The following ANO4 variants were observed in gnomAD, a reference collection of about 807,000 sequenced individuals.
ANO4 encodes anoctamin-4.
Under a neutral mutation model 141.9 loss-of-function variants are expected in ANO4, and 69 were observed. That is an observed-to-expected ratio of 0.49 (90% CI 0.40 to 0.59). The LOEUF is 0.59. Ranked by LOEUF, ANO4 falls within the 20% of genes least tolerant of loss-of-function variation. The pLI, the probability that ANO4 is intolerant of heterozygous loss-of-function variation, is 0.00. For synonymous variants in ANO4, 350 were observed against 394.3 expected, an observed-to-expected ratio of 0.89 and a Z score of 1.33; for missense variants, 894 against 1,162.2, an observed-to-expected ratio of 0.77 and a Z score of 3.36.
chr12:101,043,044 AC>A (rs1367085832), intron 12 of ANO4, among the ~76,000 whole-genome samples: 3 of 152,232 alleles, frequency 2.0e-5, no homozygotes, highest in Admixed American at 2.0e-4. Context: ...CCTTCCACCT[AC>A]GAAAACATTT....
intron 1 of ANO4, among the ~76,000 whole-genome samples, chr12:100,731,976 A>G (rs2031398139): frequency 6.6e-6 from 1 of 152,204 alleles, no homozygotes; most frequent in East Asian, 1.9e-4. Flanking sequence ...TTTATTTTCC[A>G]TTCCTCTACG....
At chr12:101,045,387 T>A (rs2047577262) in intron 13 of ANO4, among the ~76,000 whole-genome samples, 1 of 152,210 alleles carries the variant, frequency 6.6e-6, no homozygotes, top group African/African-American at 2.4e-5. Context: ...CCACAAGATG[T>A]TTAGATTCTG....
chr12:100,717,279 G>C (rs1439661335), upstream of ANO4, among the ~76,000 whole-genome samples: 3 of 151,594 alleles, frequency 2.0e-5, no homozygotes, highest in African/African-American at 4.8e-5. Context: ...CGGGGACCCG[G>C]AGCGCGGCTG....
intron 22 of ANO4, among the ~76,000 whole-genome samples, chr12:101,102,184 C>T (rs1032930491): frequency 6.6e-6 from 1 of 152,130 alleles, no homozygotes; most frequent in Non-Finnish European, 1.5e-5. Flanking sequence ...ACCTTTACGG[C>T]ATTTTTGTAC....
intron 19 of ANO4, among the ~76,000 whole-genome samples, chr12:101,097,427 G>A (rs1156976721): frequency 6.6e-6 from 1 of 152,172 alleles, no homozygotes; most frequent in Non-Finnish European, 1.5e-5. Flanking sequence ...AGCAAGAACT[G>A]GCTTCTGCTT....
chr12:100,937,799 G>A (rs1439337583), intron 3 of ANO4, among the ~76,000 whole-genome samples: 14 of 152,094 alleles, frequency 9.2e-5, no homozygotes, highest in Admixed American at 4.6e-4. Flanking sequence ...AGCCACCCGC[G>A]TTTCTTGGCT....
At chr12:101,096,676 C>T (rs1475456445) in intron 19 of ANO4, 29 bp downstream of exon 19, 12 of 1,537,158 alleles carry the variant, frequency 7.8e-6, no homozygotes, top group Non-Finnish European at 1.1e-5. Flanking sequence ...CACACCTCCC[C>T]AAGCTGAGGA....
intron 5 of ANO4, among the ~76,000 whole-genome samples, chr12:100,946,301 G>A (rs1239132072): frequency 6.6e-6 from 1 of 152,164 alleles, no homozygotes; most frequent in Non-Finnish European, 1.5e-5. Context: ...TATAAGATCT[G>A]TTTTCTGTTT....
intron 5 of ANO4, among the ~76,000 whole-genome samples, chr12:100,964,321 A>G (rs2043553655): frequency 6.6e-6 from 1 of 152,122 alleles, no homozygotes; most frequent in African/African-American, 2.4e-5. Context: ...CTCATTTGCA[A>G]TAAATTAGAA....
intron 3 of ANO4, among the ~76,000 whole-genome samples, chr12:100,772,496 G>A (rs974666373): frequency 1.3e-5 from 2 of 152,110 alleles, no homozygotes; most frequent in Non-Finnish European, 1.5e-5. Context: ...AGTCCATGTG[G>A]CATAGTGGAG....
At position 100,946,401 on chromosome 12, in the gene ANO4, G is replaced by A. The variant is rs114168717; in HGVS notation, c.456+3866G>A. Among the ~76,000 whole-genome samples the A allele has an allele frequency of 2.9e-3, 438 of 152,248 alleles. 2 individuals carry two copies. Among genetic ancestry groups the A allele is most frequent in the African/African-American group, 9.1e-3 (378 of 41,536 alleles). On this transcript the variant is annotated intron_variant, in intron 5 of 27. Transcript: ENST00000392977. ...AGCAGGGAGAATAATTAGGAGATTC[G>A]TTGCAAGAATCCAGGAAAGAGATGA...
At chr12:100,901,397 T>C (rs1315209420) in intron 1 of ANO4, among the ~76,000 whole-genome samples, 1 of 152,214 alleles carries the variant, frequency 6.6e-6, no homozygotes, top group Middle Eastern at 3.2e-3. Flanking sequence ...CAACAGCATG[T>C]CAAATATGTG....
Position 100,942,367 on chromosome 12 carries a change from T to C in ANO4, c.298-10T>C. 1.2e-6 allele frequency: 2 copies of C among 1,610,252 alleles called. No homozygotes were observed. The highest frequency in any genetic ancestry group is 2.2e-5 in the East Asian group (1 of 44,834). The stretch of plus-strand genomic sequence containing the variant: ...ATGACTTAAACTGGTCCCTTTCTCT[T>C]TGTGTGCAGACAGTGCCAGAAAGAA... On this transcript the variant is annotated splice_polypyrimidine_tract_variant and intron_variant, in intron 4 of 27. Coordinates refer to ENST00000392977, the MANE Select transcript of ANO4 (RefSeq NM_001286615.2).
At chr12:100,982,713 A>G (rs946674764) in intron 7 of ANO4, among the ~76,000 whole-genome samples, 4 of 152,224 alleles carry the variant, frequency 2.6e-5, no homozygotes, top group African/African-American at 9.6e-5. Flanking sequence ...TTGCCCAGCA[A>G]GGTCTATAAA....
At chr12:101,111,975 A>T (rs887169024) in intron 24 of ANO4, among the ~76,000 whole-genome samples, 4 of 152,178 alleles carry the variant, frequency 2.6e-5, no homozygotes, top group African/African-American at 9.7e-5. Flanking sequence ...AGTGGCAATT[A>T]ATCATTTTCC....
intron 3 of ANO4, among the ~76,000 whole-genome samples, chr12:100,768,360 C>G (rs1593297363): frequency 6.6e-6 from 1 of 152,166 alleles, no homozygotes; most frequent in African/African-American, 2.4e-5. Flanking sequence ...TATCTTCTTT[C>G]TGTGCTACAC....
intron 3 of ANO4, among the ~76,000 whole-genome samples, chr12:100,764,972 C>G (rs2033017787): frequency 6.6e-6 from 1 of 152,086 alleles, no homozygotes; most frequent in African/African-American, 2.4e-5. Flanking sequence ...TAATGCTGGC[C>G]TCATAAAATG....
At chr12:101,068,525 G>T in intron 14 of ANO4, 1 of 1,143,030 alleles carries the variant, frequency 8.7e-7, no homozygotes, top group South Asian at 1.2e-5. Flanking sequence ...CCTGGAATAT[G>T]ATCAGGATCT....
upstream of ANO4, chr12:100,794,494 T>C (rs1178737356): frequency 2.0e-5 from 3 of 152,340 alleles, no homozygotes; most frequent in Admixed American, 1.3e-4. Context: ...CAGGGGGTTG[T>C]CCTGCCGCTC....
Sources: allele counts gnomAD v4.1 joint callset (sites outside exome capture counted in the v4.1 genomes callset), GRCh38; gene constraint gnomAD v4.1.1; transcripts MANE v1.5; gene names NCBI Gene and HGNC (gene_info 2026-07-23, HGNC 2026-07-21).